EIF3L: variants seen among roughly 807,000 people sequenced by gnomAD.
EIF3L encodes eIEF associated protein HSPC021.
EIF3L carries 32 observed loss-of-function variants against 74.6 expected under a neutral mutation model. The ratio of observed to expected loss-of-function variants is 0.43; its 90% confidence interval spans 0.32 to 0.58. EIF3L has a LOEUF of 0.58. Among genes scored for constraint, EIF3L ranks in the 20% least tolerant of loss-of-function variants. EIF3L has a pLI of 0.06. For missense variants in EIF3L, 474 were observed against 707.8 expected (o/e 0.67, Z 3.75); for synonymous variants, 256 against 254.4 (o/e 1.01, Z -0.06).
In EIF3L at chr22:37,888,776, T is replaced by C; in HGVS notation, c.*312T>C. 3.1e-6 allele frequency: 1 copy of C among 323,088 alleles called. No homozygotes were observed. The highest frequency in any genetic ancestry group is 5.7e-6 in the Non-Finnish European group (1 of 173,990). 20.0% of individuals were successfully genotyped at this position (323,088 alleles called of 1,614,324 possible). A position where few individuals can be genotyped will look rare whatever the true frequency, so the allele number is the denominator to read the frequency against. On this transcript the variant is annotated 3_prime_UTR_variant, in exon 13 of 13. Coordinates refer to ENST00000652021, the MANE Select transcript of EIF3L (RefSeq NM_016091.4). ...TTGTGCTTTTGAGATGGAGTCTCACTCTGTCTCCCAGGCTGGAGTGCAGTA... is the reference window on the plus strand; with the variant it reads ...TTGTGCTTTTGAGATGGAGTCTCACCCTGTCTCCCAGGCTGGAGTGCAGTA...
rs147076219 is a variant in EIF3L at position 37,870,295 on chromosome 22, C to G, written c.699C>G (p.Ser233=). The change falls in exon 8 of 13, where the codon TCC becomes TCG. Residue 233 remains serine, a synonymous_variant. Coordinates refer to ENST00000652021, the MANE Select transcript of EIF3L (RefSeq NM_016091.4). ...ATAGTGTCCTCAATGTCCTTCATTC[C>G]CTGGTAGACAAATCCAACATCAACC... is the stretch of plus-strand genomic sequence containing the variant. ...NVHSVLNVLH[S]LVDKSNINRQ... The G allele has an allele frequency of 7.4e-6, 12 of 1,613,304 alleles. No homozygotes were observed. In the African/African-American group the frequency reaches 1.6e-4, roughly 22 times the overall value.
intron 7 of EIF3L, 95 bp downstream of exon 7, chr22:37,863,440 A>G (rs1199012606): frequency 9.6e-7 from 1 of 1,041,716 alleles, no homozygotes; most frequent in Non-Finnish European, 1.4e-6. Flanking sequence ...GGGTGTAAAA[A>G]TATCCCCATT....
intron 7 of EIF3L, among the ~76,000 whole-genome samples, chr22:37,869,515 C>T (rs1040915168): frequency 6.6e-6 from 1 of 152,126 alleles, no homozygotes; most frequent in Non-Finnish European, 1.5e-5. Context: ...CCAGATTCAA[C>T]CAGAGAACTT....
At chr22:37,863,639 G>A (rs1412638762) in intron 7 of EIF3L, among the ~76,000 whole-genome samples, 2 of 152,216 alleles carry the variant, frequency 1.3e-5, no homozygotes, top group East Asian at 3.9e-4. Flanking sequence ...GCTTTGGAGC[G>A]AGGTGGAAGT....
chr22:37,885,310 G>A, intron 11 of EIF3L: 1 of 152,020 alleles, frequency 6.6e-6, no homozygotes, highest in East Asian at 1.9e-4. Flanking sequence ...TTAATTACCA[G>A]CCTAGCTATT....
At chr22:37,855,122 A>G (rs1925430291) in intron 3 of EIF3L, among the ~76,000 whole-genome samples, 2 of 152,320 alleles carry the variant, frequency 1.3e-5, no homozygotes, top group South Asian at 4.1e-4. Flanking sequence ...TGGATTGGAT[A>G]GGCAGCAGTG....
intron 8 of EIF3L, among the ~76,000 whole-genome samples, chr22:37,873,551 C>T (rs1926591308): frequency 6.6e-6 from 1 of 152,126 alleles, no homozygotes; most frequent in African/African-American, 2.4e-5. Context: ...CCTCAGCCTC[C>T]CAAAGTGCTG....
At chr22:37,886,208 GA>G (rs1340324763) in intron 11 of EIF3L, 1 of 138,954 alleles carries the variant, frequency 7.2e-6, no homozygotes, top group Non-Finnish European at 1.6e-5. Flanking sequence ...AAAAAAAAAA[GA>G]CTAGAAAATA....
chr22:37,863,242 A>T, intron 6 of EIF3L, 30 bp from the exon 7 acceptor site: 1 of 1,589,870 alleles, frequency 6.3e-7, no homozygotes. Flanking sequence ...CATTGCTTTG[A>T]ATCTGACTTT....
At chr22:37,862,136 A>ATATAATC (rs1569114237) in intron 5 of EIF3L, among the ~76,000 whole-genome samples, 1 of 152,192 alleles carries the variant, frequency 6.6e-6, no homozygotes, top group Admixed American at 6.5e-5. Flanking sequence ...GCGCCCAGCT[A>ATATAATC]TATAATCTTA....
In EIF3L at chr22:37,888,789, C is replaced by A. The variant is rs1927449611; in HGVS notation, c.*325C>A. Reference sequence around the variant, plus strand: ...ATGGAGTCTCACTCTGTCTCCCAGGCTGGAGTGCAGTAGCGTGATCTCAGT... The same window carrying A: ...ATGGAGTCTCACTCTGTCTCCCAGGATGGAGTGCAGTAGCGTGATCTCAGT... On this transcript the variant is annotated 3_prime_UTR_variant, in exon 13 of 13. Coordinates refer to ENST00000652021, the MANE Select transcript of EIF3L (RefSeq NM_016091.4). 5 of 307,106 alleles carry A rather than the reference C, an allele frequency of 1.6e-5. No homozygotes were observed. The highest frequency in any genetic ancestry group is 4.4e-5 in the African/African-American group (2 of 45,898). 19.0% of individuals were successfully genotyped at this position (307,106 alleles called of 1,614,324 possible). A position where few individuals can be genotyped will look rare whatever the true frequency, so the allele number is the denominator to read the frequency against.
rs137934791 is a variant in EIF3L at position 37,883,291 on chromosome 22, C to T, written c.1576-3474C>T. On this transcript the variant is annotated intron_variant, in intron 11 of 12. Transcript: ENST00000652021. ...AGCCTGGGCAACAAGAGTGAAACTCCGTCTCAAAAAAAAAAAAAAAAAAAA... is the reference window on the plus strand; with the variant it reads ...AGCCTGGGCAACAAGAGTGAAACTCTGTCTCAAAAAAAAAAAAAAAAAAAA... 2.8e-4 allele frequency: 32 copies of T among 113,246 alleles called. No homozygotes were observed. In the East Asian group the frequency reaches 3.5e-3, roughly 12 times the overall value. 7.0% of individuals were successfully genotyped at this position (113,246 alleles called of 1,614,324 possible).
At chr22:37,872,351 C>T (rs780438660) in intron 8 of EIF3L, among the ~76,000 whole-genome samples, 1 of 152,030 alleles carries the variant, frequency 6.6e-6, no homozygotes, top group African/African-American at 2.4e-5. Flanking sequence ...CTTGAACTCC[C>T]GAGCTCAAGT....
rs761129339 is a variant in EIF3L, at chr22:37,863,030, A to G, written c.497A>G (p.Tyr166Cys). The G allele has an allele frequency of 1.9e-6, 3 of 1,612,720 alleles. No individual in the cohort carries two copies. Among genetic ancestry groups the G allele is most frequent in the Non-Finnish European group, 2.5e-6 (3 of 1,179,652 alleles). Residue 166 changes from tyrosine (Y) to cysteine (C), a missense_variant, in exon 6 of 13, where the codon TAC becomes TGC. Physicochemically the swap from Tyr to Cys is radical, Grantham distance 194. This residue lies in a region of EIF3L where 141 missense variants were observed against 197.7 expected (regional missense o/e 0.71). Coordinates refer to ENST00000652021, the MANE Select transcript of EIF3L (RefSeq NM_016091.4). The part of the protein sequence containing the change: ...SYYNYCNLFN[Y>C]ILNADGPAPL... ...TACAACTACTGCAATCTCTTCAACT[A>G]CATTCTTAGTGAGTCTGAGATTTGG... is the stretch of plus-strand genomic sequence containing the variant.
chr22:37,868,221 T>C (rs1926268545), intron 7 of EIF3L, among the ~76,000 whole-genome samples: 1 of 150,580 alleles, frequency 6.6e-6, no homozygotes, highest in African/African-American at 2.4e-5. Flanking sequence ...TTCAAGCGAT[T>C]TTCCTGCCTC....
chr22:37,886,020 C>G (rs1927299002), intron 11 of EIF3L: 1 of 151,626 alleles, frequency 6.6e-6, no homozygotes, highest in Non-Finnish European at 1.5e-5. Flanking sequence ...GAAACCCCGT[C>G]TCTACTAAAA....
At position 37,878,299 on chromosome 22, in the gene EIF3L, C is replaced by G. The variant is rs1926860634; in HGVS notation, c.1575+128C>G. 7 of 1,242,834 alleles carry G rather than the reference C, an allele frequency of 5.6e-6. No individual in the cohort carries two copies. The Admixed American group carries it at 1.9e-4, about 34-fold the overall frequency. 77.0% of individuals were successfully genotyped at this position (1,242,834 alleles called of 1,614,324 possible). Reference sequence around the variant, plus strand: ...GCCTTGTGGTGCTGCCACAAGGTGCCAGGTGTGGTGGCTCATGCCAGTAAT... The same window carrying G: ...GCCTTGTGGTGCTGCCACAAGGTGCGAGGTGTGGTGGCTCATGCCAGTAAT... On this transcript the variant is annotated intron_variant, in intron 11 of 12. Coordinates refer to ENST00000652021, the MANE Select transcript of EIF3L (RefSeq NM_016091.4).
intron 11 of EIF3L, chr22:37,880,296 G>C (rs1027664672): frequency 2.0e-5 from 3 of 151,694 alleles, no homozygotes; most frequent in Admixed American, 1.3e-4. Flanking sequence ...GTATTTTTTA[G>C]TAGAGACGGG....
chr22:37,860,319 C>T (rs917998137), intron 5 of EIF3L, among the ~76,000 whole-genome samples: 3 of 152,176 alleles, frequency 2.0e-5, no homozygotes, highest in Admixed American at 6.5e-5. Context: ...TCCTGTTAAG[C>T]TCTGTCTTCA....
Sources: allele counts gnomAD v4.1 joint callset (sites outside exome capture counted in the v4.1 genomes callset), GRCh38; gene constraint gnomAD v4.1.1; regional missense constraint gnomAD v4.1.1; transcripts MANE v1.5; gene names NCBI Gene and HGNC (gene_info 2026-07-23, HGNC 2026-07-21).